FAM13A: variants seen among roughly 807,000 people sequenced by gnomAD.
The protein encoded by FAM13A is protein FAM13A.
In FAM13A, 76 loss-of-function variants were observed where a neutral mutation model predicts 129.6. The ratio of observed to expected loss-of-function variants is 0.59; its 90% CI spans 0.49 to 0.71. FAM13A has a LOEUF of 0.71. Among genes scored for constraint, FAM13A ranks in the 30% least tolerant of loss-of-function variants. The probability of loss-of-function intolerance (pLI) is 0.00; values close to 1 mark genes in which losing one functional copy is unlikely to be tolerated. For synonymous variants in FAM13A, 443 were observed against 449.9 expected (o/e 0.98, Z 0.20); for missense variants, 1,108 against 1,249.3 (o/e 0.89, Z 1.70).
At chr4:89,049,497 A>G (rs1322976101) in intron 1 of FAM13A, among the ~76,000 whole-genome samples, 2 of 152,246 alleles carry the variant, frequency 1.3e-5, no homozygotes. Context: ...CATTAAAGAA[A>G]TATTTGGAAT....
chr4:88,925,586 T>C (rs1408983287), intron 5 of FAM13A, among the ~76,000 whole-genome samples: 1 of 150,638 alleles, frequency 6.6e-6, no homozygotes, highest in African/African-American at 2.4e-5. Flanking sequence ...GTATATCTCC[T>C]AATGCTAAAT....
intron 6 of FAM13A, among the ~76,000 whole-genome samples, chr4:88,858,051 G>A (rs983181322): frequency 6.6e-6 from 1 of 151,898 alleles, no homozygotes; most frequent in Admixed American, 6.6e-5. Flanking sequence ...AAATAGTTAC[G>A]GTACAGAGAT....
intron 4 of FAM13A, among the ~76,000 whole-genome samples, chr4:88,965,171 G>C (rs971432420): frequency 6.6e-6 from 1 of 152,186 alleles, no homozygotes; most frequent in Non-Finnish European, 1.5e-5. Flanking sequence ...TACAGACAAT[G>C]AGCATTAGGC....
chr4:88,987,756 G>A (rs964749406), intron 4 of FAM13A, among the ~76,000 whole-genome samples: 6 of 149,646 alleles, frequency 4.0e-5, no homozygotes, highest in African/African-American at 1.5e-4. Context: ...GCAGGAGAAT[G>A]GCGTGAACCC....
intron 19 of FAM13A, among the ~76,000 whole-genome samples, chr4:88,744,387 C>A (rs1230979133): frequency 6.6e-6 from 1 of 152,092 alleles, no homozygotes; most frequent in Non-Finnish European, 1.5e-5. Flanking sequence ...GAATTATATG[C>A]CTGTGTATAA....
intron 7 of FAM13A, among the ~76,000 whole-genome samples, chr4:88,812,730 C>T (rs984708684): frequency 1.3e-5 from 2 of 152,118 alleles, no homozygotes; most frequent in African/African-American, 2.4e-5. Context: ...AGGCTTGTCT[C>T]ATTTCCAGAT....
intron 7 of FAM13A, among the ~76,000 whole-genome samples, chr4:88,838,865 C>G (rs1735310851): frequency 6.6e-6 from 1 of 152,194 alleles, no homozygotes; most frequent in Non-Finnish European, 1.5e-5. Context: ...TTGGAAGATG[C>G]AGCTCCTTAT....
intron 6 of FAM13A, among the ~76,000 whole-genome samples, chr4:88,869,924 A>G (rs17815912): frequency 0.11 from 17,454 of 152,220 alleles, 1,090 homozygotes; most frequent in Non-Finnish European, 0.14. Flanking sequence ...CAGATGAAAT[A>G]GGACCAATCA....
chr4:89,025,259 T>G (rs922021320), intron 2 of FAM13A, among the ~76,000 whole-genome samples: 2 of 119,708 alleles, frequency 1.7e-5, no homozygotes, highest in African/African-American at 3.1e-5. Flanking sequence ...TTTTTTTTTT[T>G]TTTTTTTTTT....
chr4:88,912,957 G>A (rs192544338), intron 5 of FAM13A, among the ~76,000 whole-genome samples: 5 of 152,070 alleles, frequency 3.3e-5, no homozygotes, highest in African/African-American at 9.6e-5. Flanking sequence ...CTCCAGCCAG[G>A]GTGACAGAGC....
At chr4:88,778,476 AG>A (rs903610560) in intron 11 of FAM13A, among the ~76,000 whole-genome samples, 1 of 152,272 alleles carries the variant, frequency 6.6e-6, no homozygotes, top group East Asian at 1.9e-4. Context: ...GCACAACTCC[AG>A]GGGGAACCAT....
intron 7 of FAM13A, among the ~76,000 whole-genome samples, chr4:88,825,404 A>T (rs1488518012): frequency 6.6e-6 from 1 of 151,814 alleles, no homozygotes; most frequent in Non-Finnish European, 1.5e-5. Flanking sequence ...TTTAGTAGAG[A>T]TGGGGTTTCA....
chr4:89,002,584 TCC>T (rs1764408960), intron 3 of FAM13A, among the ~76,000 whole-genome samples: 1 of 152,110 alleles, frequency 6.6e-6, no homozygotes, highest in South Asian at 2.1e-4. Context: ...CATTTGGGCA[TCC>T]CCAAATGACA....
chr4:88,797,505 T>C (rs1372382520), intron 8 of FAM13A, among the ~76,000 whole-genome samples: 1 of 152,154 alleles, frequency 6.6e-6, no homozygotes, highest in Non-Finnish European at 1.5e-5. Context: ...TTTCAAGAGA[T>C]CCTCCCACTC....
At chr4:88,789,172 A>C (rs571500258) in intron 9 of FAM13A, among the ~76,000 whole-genome samples, 7 of 152,322 alleles carry the variant, frequency 4.6e-5, no homozygotes, top group African/African-American at 9.6e-5. Context: ...ATATCTAAAC[A>C]GAACAACCCT....
chr4:88,856,761 A>T (rs1738578214), intron 6 of FAM13A, among the ~76,000 whole-genome samples: 1 of 152,104 alleles, frequency 6.6e-6, no homozygotes, highest in Admixed American at 6.5e-5. Flanking sequence ...TCTCTCCTCC[A>T]CCTGTCACTT....
chr4:88,963,793 T>C (rs1026630373), intron 4 of FAM13A, among the ~76,000 whole-genome samples: 3 of 152,198 alleles, frequency 2.0e-5, no homozygotes, highest in African/African-American at 4.8e-5. Flanking sequence ...TATGGTAAGA[T>C]ACTTGTATTA....
At chr4:88,833,899 A>T (rs956583622) in intron 7 of FAM13A, among the ~76,000 whole-genome samples, 2 of 151,748 alleles carry the variant, frequency 1.3e-5, no homozygotes, top group East Asian at 3.9e-4. Flanking sequence ...AAAAAAATCC[A>T]ATTTATTTAA....
chr4:88,745,353 G>C (rs994169727), intron 19 of FAM13A, among the ~76,000 whole-genome samples: 1 of 152,124 alleles, frequency 6.6e-6, no homozygotes, highest in Admixed American at 6.5e-5. Context: ...ACCCAGTCCA[G>C]GCTGAATGAG....
Sources: gnomAD v4.1 joint callset for allele counts (sites outside exome capture counted in the v4.1 genomes callset) on GRCh38, gnomAD v4.1.1 for gene constraint, MANE v1.5 for transcripts, NCBI Gene and HGNC (gene_info 2026-07-23, HGNC 2026-07-21) for gene names.